PKIA: variants seen among roughly 807,000 people sequenced by gnomAD.
PKIA encodes the protein cAMP-dependent protein kinase inhibitor alpha, also known as PKI-alpha.
Under a neutral mutation model 7.6 loss-of-function variants are expected in PKIA, and 4 were observed. The observed-to-expected ratio is 0.52, with a 90% CI of 0.26 to 1.20. PKIA has a LOEUF of 1.20. Among genes scored for constraint, PKIA ranks in the 50% most tolerant of loss-of-function variants. The probability of loss-of-function intolerance (pLI) is 0.13; values close to 1 mark genes in which losing one functional copy is unlikely to be tolerated. For synonymous variants in PKIA, 21 were observed against 30.7 expected, an observed-to-expected ratio of 0.68 and a Z score of 1.04; for missense variants, 73 against 86.2, an observed-to-expected ratio of 0.85 and a Z score of 0.61.
intron 2 of PKIA, among the ~76,000 whole-genome samples, chr8:78,587,726 C>CTT (rs950143901): frequency 6.6e-6 from 1 of 152,086 alleles, no homozygotes; most frequent in African/African-American, 2.4e-5. Context: ...ATTCTAGATG[C>CTT]TTTCTATTGC....
At chr8:78,580,707 T>G (rs1195221053) in intron 2 of PKIA, among the ~76,000 whole-genome samples, 3 of 151,968 alleles carry the variant, frequency 2.0e-5, no homozygotes, top group Middle Eastern at 3.2e-3. Flanking sequence ...CAACAATAAT[T>G]TGTTAAAATA....
intron 1 of PKIA, chr8:78,534,854 T>TGA (rs1335962424): frequency 6.6e-6 from 1 of 152,164 alleles, no homozygotes; most frequent in Non-Finnish European, 1.5e-5. Flanking sequence ...TATCTATTCT[T>TGA]GAGACGTAAT....
intron 2 of PKIA, among the ~76,000 whole-genome samples, chr8:78,596,262 A>G (rs1417997626): frequency 6.6e-6 from 1 of 151,880 alleles, no homozygotes; most frequent in Non-Finnish European, 1.5e-5. Context: ...TTTTAAGACA[A>G]AGTTTCACTC....
intron 1 of PKIA, among the ~76,000 whole-genome samples, chr8:78,547,090 A>G (rs1806841712): frequency 6.6e-6 from 1 of 152,118 alleles, no homozygotes; most frequent in Non-Finnish European, 1.5e-5. Flanking sequence ...AGAAAAAACA[A>G]AAACAGTTTT....
intron 1 of PKIA, among the ~76,000 whole-genome samples, chr8:78,559,345 T>C (rs963614264): frequency 1.3e-5 from 2 of 152,152 alleles, no homozygotes; most frequent in African/African-American, 4.8e-5. Flanking sequence ...GGGATGGTTT[T>C]GACCAAGACA....
chr8:78,524,193 CATTTAT>C (rs1429820532), intron 1 of PKIA, among the ~76,000 whole-genome samples: 1 of 118,226 alleles, frequency 8.5e-6, no homozygotes, highest in Non-Finnish European at 1.6e-5. Context: ...TATATATAAA[CATTTAT>C]ATTTATATAT....
intron 2 of PKIA, among the ~76,000 whole-genome samples, chr8:78,581,820 G>T (rs148394985): frequency 1.3e-5 from 2 of 152,152 alleles, no homozygotes; most frequent in Non-Finnish European, 2.9e-5. Flanking sequence ...GAAGTCTGAG[G>T]ATTAGACAGT....
chr8:78,526,938 G>T (rs1300636190), intron 1 of PKIA, among the ~76,000 whole-genome samples: 1 of 151,896 alleles, frequency 6.6e-6, no homozygotes, highest in Non-Finnish European at 1.5e-5. Context: ...ATGGATTTCT[G>T]TTATTGATAT....
At chr8:78,524,550 T>A (rs1399530081) in intron 1 of PKIA, among the ~76,000 whole-genome samples, 1 of 151,776 alleles carries the variant, frequency 6.6e-6, no homozygotes, top group Non-Finnish European at 1.5e-5. Context: ...TACCTAATAA[T>A]CAGTAAAAAA....
In PKIA at chr8:78,602,713, A is replaced by ATATATATATATATATATATATATT. The variant is rs1554584766; in HGVS notation, c.*893_*894insATATATATATATATATATATATTT. 13 of 147,888 alleles carry ATATATATATATATATATATATATT rather than the reference A, an allele frequency of 8.8e-5. No homozygotes were observed. The highest frequency in any genetic ancestry group is 3.3e-4 in the African/African-American group (13 of 39,952). The allele number at this position is 147,888 out of a possible 1,614,324, so 9.2% of individuals were successfully genotyped here. ...CCACATAATATATATATATATATAT[A>ATATATATATATATATATATATATT]TTTTAATTTATGAGAATTTTGGACA... is the stretch of plus-strand genomic sequence containing the variant. On this transcript the variant is annotated 3_prime_UTR_variant, in exon 4 of 4. Transcript: ENST00000396418.
rs1331837735 is a variant in PKIA at position 78,572,921 on chromosome 8, CAAG to C, written c.-42_-40del. 1 of 151,946 alleles carries C rather than the reference CAAG, an allele frequency of 6.6e-6. No homozygotes were observed. The highest frequency in any genetic ancestry group is 1.5e-5 in the Non-Finnish European group (1 of 67,928). 9.4% of individuals were successfully genotyped at this position (151,946 alleles called of 1,614,324 possible). On this transcript the variant is annotated 5_prime_UTR_variant, in exon 2 of 4. Coordinates refer to ENST00000396418, the MANE Select transcript of PKIA (RefSeq NM_006823.4). ...TCTAGTATAGTCAATGAATTAAAGA[CAAG>C]AAGGTTTCCAATCAGGTAGGAACAC...
chr8:78,577,620 A>G (rs1807706002), intron 2 of PKIA, among the ~76,000 whole-genome samples: 3 of 152,006 alleles, frequency 2.0e-5, no homozygotes, highest in Admixed American at 1.3e-4. Flanking sequence ...ACTACAATTT[A>G]TATACTAAAC....
Position 78,545,564 on chromosome 8 carries a change from A to C in PKIA, c.-156-27247A>C, listed in dbSNP as rs546915076. Among the ~76,000 whole-genome samples, 16 of 152,298 alleles carry C rather than the reference A, an allele frequency of 1.1e-4. No homozygotes were observed. In the East Asian group the frequency reaches 3.1e-3, roughly 29 times the overall value. On this transcript the variant is annotated intron_variant, in intron 1 of 3. Transcript: ENST00000396418. Reference sequence around the variant, plus strand: ...GTAAGCTTAGCATATTTTGTATACTAATTAGCTTTTACTGACATAATACTA... The same window carrying C: ...GTAAGCTTAGCATATTTTGTATACTCATTAGCTTTTACTGACATAATACTA...
chr8:78,533,167 C>T (rs1244239198), intron 1 of PKIA, among the ~76,000 whole-genome samples: 1 of 152,074 alleles, frequency 6.6e-6, no homozygotes, highest in African/African-American at 2.4e-5. Context: ...CTTACATGCC[C>T]TCTTCTCAAC....
At chr8:78,549,257 GTGTTGTATGACATGA>G (rs1407142553) in intron 1 of PKIA, among the ~76,000 whole-genome samples, 2 of 152,070 alleles carry the variant, frequency 1.3e-5, no homozygotes, top group East Asian at 3.9e-4. Flanking sequence ...CAGATGCTAT[GTGTTGTATGACATGA>G]TGTATATAAT....
chr8:78,565,004 G>T (rs1294024477), intron 1 of PKIA, among the ~76,000 whole-genome samples: 1 of 151,588 alleles, frequency 6.6e-6, no homozygotes, highest in East Asian at 1.9e-4. Context: ...TTATAATTTT[G>T]TTCTTTAAGA....
At chr8:78,543,244 A>ATTGC (rs1319824989) in intron 1 of PKIA, among the ~76,000 whole-genome samples, 1 of 152,180 alleles carries the variant, frequency 6.6e-6, no homozygotes, top group East Asian at 1.9e-4. Flanking sequence ...TCCTTGTAGC[A>ATTGC]TTGCTTCTAA....
intron 2 of PKIA, among the ~76,000 whole-genome samples, chr8:78,582,139 T>C (rs993205584): frequency 6.6e-6 from 1 of 151,948 alleles, no homozygotes; most frequent in East Asian, 1.9e-4. Flanking sequence ...CTAATCTCTC[T>C]TGCTAATACC....
At chr8:78,570,583 CCTTT>C (rs971304768) in intron 1 of PKIA, among the ~76,000 whole-genome samples, 1 of 152,062 alleles carries the variant, frequency 6.6e-6, no homozygotes, top group Non-Finnish European at 1.5e-5. Context: ...TGCAAATAAA[CCTTT>C]CTATCTTCTT....
Sources: allele counts gnomAD v4.1 joint callset (sites outside exome capture counted in the v4.1 genomes callset), GRCh38; gene constraint gnomAD v4.1.1; transcripts MANE v1.5; gene names NCBI Gene and HGNC (gene_info 2026-07-23, HGNC 2026-07-21).